Variants in KLF15 observed in about 807,000 individuals in gnomAD.
KLF15 encodes KLF transcription factor 15, also known as Krueppel-like factor 15.
Under a neutral mutation model 24.6 loss-of-function variants are expected in KLF15, and 4 were observed. That is an observed-to-expected ratio of 0.16 (90% CI 0.08 to 0.37). The LOEUF (loss-of-function observed/expected upper bound fraction) is 0.37. Ranked by LOEUF, KLF15 falls within the 10% of genes least tolerant of loss-of-function variation. The probability of loss-of-function intolerance (pLI) is 1.00; values close to 1 mark genes in which losing one functional copy is unlikely to be tolerated. For missense variants in KLF15, 496 were observed against 560.6 expected, an observed-to-expected ratio of 0.88 and a Z score of 1.16; for synonymous variants, 246 against 236.3, an observed-to-expected ratio of 1.04 and a Z score of -0.37.
the KLF15 span, among the ~76,000 whole-genome samples, chr3:126,323,749 A>G: frequency 7.8e-5 from 10 of 127,504 alleles, no homozygotes; most frequent in Non-Finnish European, 1.3e-4. Flanking sequence ...TGAGAACATC[A>G]TATTTTGGGT....
chr3:126,323,421 AT>A, the KLF15 span, among the ~76,000 whole-genome samples: 30 of 35,448 alleles, frequency 8.5e-4, no homozygotes, highest in South Asian at 1.1e-3. Flanking sequence ...ATATATATAT[AT>A]ATATATATAT....
the KLF15 span, among the ~76,000 whole-genome samples, chr3:126,330,074 A>G: frequency 3.3e-5 from 5 of 152,314 alleles, no homozygotes; most frequent in African/African-American, 7.2e-5. Flanking sequence ...GAGGTCTGAA[A>G]TGAGCTTGCA....
chr3:126,356,951 G>T lies in KLF15; in HGVS notation c.-26+286C>A, dbSNP rs2082637840. On this transcript the variant is annotated intron_variant, in intron 1 of 2. Transcript: ENST00000296233. The surrounding 1 kb of genome is among the most constrained non-coding windows in gnomAD (Gnocchi z 4.4). ...GCCCACCATATGGGAGGGCCGGCCCGCAAGGCGCGCCACGGAATCGCCCGG... is the reference window on the plus strand; with the variant it reads ...GCCCACCATATGGGAGGGCCGGCCCTCAAGGCGCGCCACGGAATCGCCCGG... Among the ~76,000 whole-genome samples the T allele has an allele frequency of 6.6e-6, 1 of 151,684 alleles. No homozygotes were observed. Among genetic ancestry groups the T allele is most frequent in the African/African-American group, 2.4e-5 (1 of 41,310 alleles).
At chr3:126,319,778 C>T in the KLF15 span, among the ~76,000 whole-genome samples, 1 of 152,078 alleles carries the variant, frequency 6.6e-6, no homozygotes, top group Non-Finnish European at 1.5e-5. Flanking sequence ...TCCCAGCTTA[C>T]AAGACAATAA....
the KLF15 span, among the ~76,000 whole-genome samples, chr3:126,331,618 A>G: frequency 7.5e-4 from 114 of 152,318 alleles, no homozygotes; most frequent in Non-Finnish European, 1.3e-3. Context: ...GGAGGAGCCA[A>G]GATGGCCGAA....
At chr3:126,319,907 C>T in the KLF15 span, among the ~76,000 whole-genome samples, 13 of 152,122 alleles carry the variant, frequency 8.5e-5, no homozygotes, top group South Asian at 2.1e-4. Context: ...GAGTACGGAG[C>T]GACAGCAGAC....
chr3:126,303,966 C>T, the KLF15 span, among the ~76,000 whole-genome samples: 2 of 152,196 alleles, frequency 1.3e-5, no homozygotes, highest in East Asian at 1.9e-4. Flanking sequence ...TAGGTCTCTA[C>T]TTGAGCTTTT....
the KLF15 span, among the ~76,000 whole-genome samples, chr3:126,300,776 G>A: frequency 0.34 from 51,789 of 152,128 alleles, 9,619 homozygotes; most frequent in Non-Finnish European, 0.43. Flanking sequence ...TCAATAGATG[G>A]ATTAGTGGGG....
At chr3:126,344,000 A>G in intron 2 of KLF15, 105 bp from the exon 3 acceptor site, 1 of 1,230,304 alleles carries the variant, frequency 8.1e-7, no homozygotes, top group Non-Finnish European at 1.1e-6. Context: ...CACTCACCCA[A>G]AGGGTGGCTG....
the KLF15 span, among the ~76,000 whole-genome samples, chr3:126,317,973 A>G: frequency 6.6e-6 from 1 of 152,134 alleles, no homozygotes; most frequent in Admixed American, 6.5e-5. Context: ...GCTGCTAACA[A>G]TAACATCTTT....
At position 126,352,045 on chromosome 3, in the gene KLF15, G is replaced by A. The variant is rs778912745; in HGVS notation, c.878C>T (p.Ser293Leu). 30 of 1,528,800 alleles carry A rather than the reference G, an allele frequency of 2.0e-5. No homozygotes were observed. The East Asian group carries it at 3.4e-4, about 17-fold the overall frequency. 94.7% of individuals were successfully genotyped at this position (1,528,800 alleles called of 1,614,324 possible). A position where few individuals can be genotyped will look rare whatever the true frequency, so the allele number is the denominator to read the frequency against. The change falls in exon 2 of 3, where the codon TCG becomes TTG. Residue 293 changes from serine to leucine, a missense_variant. Physicochemically the swap from Ser to Leu is moderately radical, Grantham distance 145. Coordinates refer to ENST00000296233, the MANE Select transcript of KLF15 (RefSeq NM_014079.4). ...GGCAGGGCCAGGCCCCAGGGGTCCC[G>A]ATCCAACAGGCTTGGCGGCAATGGG... ...PVPIAAKPVG[S>L]GPLGPGPAGL...
the KLF15 span, among the ~76,000 whole-genome samples, chr3:126,329,162 G>A: frequency 6.6e-6 from 1 of 152,204 alleles, no homozygotes; most frequent in South Asian, 2.1e-4. Flanking sequence ...GATTTTCTGT[G>A]TATGGTGTGA....
the KLF15 span, among the ~76,000 whole-genome samples, chr3:126,324,678 A>G: frequency 6.9e-6 from 1 of 143,990 alleles, no homozygotes; most frequent in Non-Finnish European, 1.5e-5. Flanking sequence ...AATGTTGCAT[A>G]GGAGATGTTG....
intron 1 of KLF15, among the ~76,000 whole-genome samples, chr3:126,355,759 G>A (rs12108161): frequency 0.045 from 6,786 of 152,296 alleles, 490 homozygotes; most frequent in African/African-American, 0.15. Flanking sequence ...GGGGGAGGTC[G>A]GAGAGTAGGA....
the KLF15 span, among the ~76,000 whole-genome samples, chr3:126,323,419 A>ATATAACATATATATGT: frequency 1.8e-3 from 86 of 47,542 alleles, 10 homozygotes; most frequent in Admixed American, 0.02. Flanking sequence ...ATATATATAT[A>ATATAACATATATATGT]TATATATATA....
the KLF15 span, among the ~76,000 whole-genome samples, chr3:126,312,133 T>A: frequency 6.6e-6 from 1 of 152,208 alleles, no homozygotes; most frequent in Non-Finnish European, 1.5e-5. Context: ...GCAGATGCTG[T>A]GGCTGTCAGA....
the KLF15 span, among the ~76,000 whole-genome samples, chr3:126,334,210 A>C: frequency 2.0e-5 from 3 of 152,124 alleles, no homozygotes; most frequent in Non-Finnish European, 4.4e-5. Context: ...AACAGAAATT[A>C]TAACAAACTA....
At chr3:126,315,980 A>G in the KLF15 span, among the ~76,000 whole-genome samples, 6 of 152,160 alleles carry the variant, frequency 3.9e-5, no homozygotes, top group Non-Finnish European at 4.4e-5. Flanking sequence ...AAGATTCTAG[A>G]ACAGGGGTTG....
intron 2 of KLF15, among the ~76,000 whole-genome samples, chr3:126,349,899 G>T (rs553145077): frequency 1.3e-5 from 2 of 152,338 alleles, no homozygotes; most frequent in South Asian, 4.1e-4. Flanking sequence ...TTGGGGGCTG[G>T]AGAGAATGCC....
Sources: gnomAD v4.1 joint callset for allele counts (sites outside exome capture counted in the v4.1 genomes callset) on GRCh38, gnomAD v4.1.1 for gene constraint, Gnocchi (gnomAD v3.1) non-coding constraint, MANE v1.5 for transcripts, NCBI Gene and HGNC (gene_info 2026-07-23, HGNC 2026-07-21) for gene names.